Variants in PLCXD3 observed in about 807,000 individuals in gnomAD.
PLCXD3 encodes the protein PI-PLC X domain-containing protein 3.
PLCXD3 carries 19 observed loss-of-function variants against 25.5 expected under a neutral mutation model. The observed-to-expected ratio is 0.75, with a 90% CI of 0.52 to 1.09. The LOEUF is 1.09. Among genes scored for constraint, PLCXD3 ranks in the 50% least tolerant of loss-of-function variants. PLCXD3 has a pLI of 0.00. For missense variants in PLCXD3, 411 were observed against 388.1 expected (o/e 1.06, Z -0.50); for synonymous variants, 174 against 137.6 (o/e 1.26, Z -1.85).
intron 1 of PLCXD3, among the ~76,000 whole-genome samples, chr5:41,411,795 G>C (rs936135278): frequency 6.1e-5 from 9 of 148,646 alleles, no homozygotes; most frequent in Non-Finnish European, 1.2e-4. Context: ...GTCATATAGA[G>C]TATTGATCAT....
intron 1 of PLCXD3, among the ~76,000 whole-genome samples, chr5:41,427,480 G>A (rs1310999243): frequency 1.3e-5 from 2 of 151,706 alleles, no homozygotes; most frequent in East Asian, 1.9e-4. Context: ...CTTTCCTTTG[G>A]CTTCTAAACA....
At chr5:41,385,230 G>T (rs1745600463) in intron 1 of PLCXD3, among the ~76,000 whole-genome samples, 1 of 151,954 alleles carries the variant, frequency 6.6e-6, no homozygotes, top group South Asian at 2.1e-4. Flanking sequence ...GAACTTTTCG[G>T]CTATATCTGG....
In PLCXD3 at chr5:41,475,558, C is replaced by A. The variant is rs185789756; in HGVS notation, c.103+34866G>T. The A allele has an allele frequency of 6.2e-4, 322 of 520,388 alleles. 3 individuals carry two copies. The East Asian group carries it at 0.012, about 20-fold the overall frequency. The allele number at this position is 520,388 out of a possible 1,614,324, so 32.2% of individuals were successfully genotyped here. ...TTTATCTCTACTTATTTCTATTTAT[C>A]CCTACTTATCTCTGTTTATCCCTGT... On this transcript the variant is annotated intron_variant, in intron 1 of 2. Transcript: ENST00000377801.
chr5:41,492,515 T>C (rs1420823433), intron 1 of PLCXD3, among the ~76,000 whole-genome samples: 4 of 152,252 alleles, frequency 2.6e-5, no homozygotes, highest in African/African-American at 7.2e-5. Context: ...TCCTGGATAA[T>C]ATCCTGCAGA....
At chr5:41,364,921 C>A (rs755382935) in intron 2 of PLCXD3, among the ~76,000 whole-genome samples, 1 of 152,172 alleles carries the variant, frequency 6.6e-6, no homozygotes, top group South Asian at 2.1e-4. Context: ...TATTTTTCCA[C>A]CTTGAATTTT....
At chr5:41,463,433 G>A (rs1747939551) in intron 1 of PLCXD3, among the ~76,000 whole-genome samples, 1 of 152,010 alleles carries the variant, frequency 6.6e-6, no homozygotes, top group Non-Finnish European at 1.5e-5. Context: ...CCACACTCAT[G>A]ACCTAATTAC....
intron 1 of PLCXD3, among the ~76,000 whole-genome samples, chr5:41,442,385 G>A (rs1747404705): frequency 6.6e-6 from 1 of 152,114 alleles, no homozygotes; most frequent in Non-Finnish European, 1.5e-5. Context: ...TATCCCAACA[G>A]TTTATGTATC....
chr5:41,477,266 A>T (rs1280338934), intron 1 of PLCXD3, among the ~76,000 whole-genome samples: 1 of 152,206 alleles, frequency 6.6e-6, no homozygotes, highest in Non-Finnish European at 1.5e-5. Context: ...TTTCTATAAT[A>T]CCCAGTATTT....
rs565982975 is a variant in PLCXD3, at chr5:41,372,589, C to T, written c.812+9237G>A. ...GACAACGCTTCCTCTTGCCATACCC[C>T]GGAGGACATAGGATGAACTCCCTCC... On this transcript the variant is annotated intron_variant, in intron 2 of 2. Transcript: ENST00000377801. Among the ~76,000 whole-genome samples, 8 of 152,108 alleles carry T rather than the reference C, an allele frequency of 5.3e-5. No homozygotes were observed. The East Asian group carries it at 5.8e-4, about 11-fold the overall frequency.
At chr5:41,342,889 T>G (rs898468624) in intron 2 of PLCXD3, among the ~76,000 whole-genome samples, 5 of 152,074 alleles carry the variant, frequency 3.3e-5, no homozygotes, top group Admixed American at 3.3e-4. Context: ...TTTTTTGTGG[T>G]GGGGATAGGC....
chr5:41,361,592 A>G (rs1467071664), intron 2 of PLCXD3, among the ~76,000 whole-genome samples: 2 of 152,190 alleles, frequency 1.3e-5, no homozygotes, highest in Non-Finnish European at 2.9e-5. Flanking sequence ...AAACCCCACA[A>G]AAAACATGAA....
chr5:41,388,570 G>T (rs1561255717), intron 1 of PLCXD3, among the ~76,000 whole-genome samples: 1 of 151,974 alleles, frequency 6.6e-6, no homozygotes, highest in African/African-American at 2.4e-5. Context: ...CTTTAGACTT[G>T]CAGAGTTTAA....
At chr5:41,481,606 C>T (rs1405676326) in intron 1 of PLCXD3, among the ~76,000 whole-genome samples, 2 of 152,232 alleles carry the variant, frequency 1.3e-5, no homozygotes, top group Non-Finnish European at 2.9e-5. Flanking sequence ...ATGCTGTCTT[C>T]TGAAATTATC....
chr5:41,412,794 G>A (rs1391825726), intron 1 of PLCXD3, among the ~76,000 whole-genome samples: 8 of 152,064 alleles, frequency 5.3e-5, no homozygotes, highest in Non-Finnish European at 1.0e-4. Context: ...GTCTGGACTT[G>A]GTGACATACA....
At chr5:41,490,116 C>T (rs1448937722) in intron 1 of PLCXD3, among the ~76,000 whole-genome samples, 1 of 152,100 alleles carries the variant, frequency 6.6e-6, no homozygotes, top group East Asian at 1.9e-4. Flanking sequence ...CCCATCAATA[C>T]CTAATTTATT....
rs577926777 is a variant in PLCXD3 at position 41,315,107 on chromosome 5, T to A, written c.813-1337A>T. Among the ~76,000 whole-genome samples the A allele has an allele frequency of 2.6e-5, 4 of 152,240 alleles. No individual in the cohort carries two copies. The South Asian group carries it at 8.3e-4, about 32-fold the overall frequency. ...ATGGTGTGTGCTTAGGAGCAATGGA[T>A]CCAGGCAGACAGATACAGGTGATGT... On this transcript the variant is annotated intron_variant, in intron 2 of 2. Coordinates refer to ENST00000377801, the MANE Select transcript of PLCXD3 (RefSeq NM_001005473.3).
At chr5:41,490,067 G>GGGTTT (rs1279912309) in intron 1 of PLCXD3, among the ~76,000 whole-genome samples, 1 of 151,994 alleles carries the variant, frequency 6.6e-6, no homozygotes, top group African/African-American at 2.4e-5. Context: ...TATTGGCTGT[G>GGGTTT]GGTTTGTCAT....
intron 1 of PLCXD3, among the ~76,000 whole-genome samples, chr5:41,496,453 A>G (rs574787702): frequency 8.7e-4 from 132 of 152,126 alleles, no homozygotes; most frequent in Non-Finnish European, 1.7e-3. Flanking sequence ...AATTTTTAAA[A>G]TAACAGGAGA....
intron 2 of PLCXD3, among the ~76,000 whole-genome samples, chr5:41,362,716 T>G (rs1170188307): frequency 6.6e-6 from 1 of 152,216 alleles, no homozygotes; most frequent in Non-Finnish European, 1.5e-5. Context: ...TTTATTTCGC[T>G]TTTTACTGCT....
Sources: gnomAD v4.1 joint callset for allele counts (sites outside exome capture counted in the v4.1 genomes callset) on GRCh38, gnomAD v4.1.1 for gene constraint, MANE v1.5 for transcripts, NCBI Gene and HGNC (gene_info 2026-07-23, HGNC 2026-07-21) for gene names.